Variants in TENM3 observed in about 807,000 individuals in gnomAD.
TENM3 encodes the protein teneurin-3.
Under a neutral mutation model 255.1 loss-of-function variants are expected in TENM3, and 63 were observed. The ratio of observed to expected loss-of-function variants is 0.25; its 90% CI spans 0.20 to 0.30. The LOEUF (loss-of-function observed/expected upper bound fraction) is 0.30, where lower values mean the gene tolerates loss of function less well. Among genes scored for constraint, TENM3 ranks in the 10% least tolerant of loss-of-function variants. The pLI, the probability that TENM3 is intolerant of heterozygous loss-of-function variation, is 1.00. For missense variants in TENM3, 2,929 were observed against 3,461.1 expected (o/e 0.85, Z 3.86); for synonymous variants, 1,306 against 1,322.3 (o/e 0.99, Z 0.27).
chr4:182,184,840 A>C (rs1445324098), intron 1 of TENM3, among the ~76,000 whole-genome samples: 1 of 152,140 alleles, frequency 6.6e-6, no homozygotes, highest in Non-Finnish European at 1.5e-5. Context: ...TGATCCCTAC[A>C]CTTTGGGAGG....
chr4:181,781,553 G>A, the TENM3 span, among the ~76,000 whole-genome samples: 1 of 152,178 alleles, frequency 6.6e-6, no homozygotes, highest in Non-Finnish European at 1.5e-5. Context: ...ATACAGTCAT[G>A]TCATCTGCAA....
rs1766158135 is a variant in TENM3, at chr4:182,792,186, G to A, written c.5602-88G>A. 2.6e-6 allele frequency: 3 copies of A among 1,170,536 alleles called. No homozygotes were observed. In the African/African-American group the frequency reaches 4.6e-5, roughly 18 times the overall value. 72.5% of individuals were successfully genotyped at this position (1,170,536 alleles called of 1,614,324 possible). A position where few individuals can be genotyped will look rare whatever the true frequency, so the allele number is the denominator to read the frequency against. ...AAAATGAAAATCATTTTCTCTAGTG[G>A]AATGTTTCTGTGCATCTGTGGTCAC... On this transcript the variant is annotated intron_variant, in intron 25 of 27. Coordinates refer to ENST00000511685, the MANE Select transcript of TENM3 (RefSeq NM_001080477.4). The surrounding 1 kb of genome is among the most constrained non-coding windows in gnomAD (Gnocchi z 6.3).
At chr4:181,932,974 C>T in the TENM3 span, among the ~76,000 whole-genome samples, 7 of 151,996 alleles carry the variant, frequency 4.6e-5, no homozygotes, top group Admixed American at 2.0e-4. Flanking sequence ...TGAAAACACA[C>T]GGACACAGGG....
At chr4:181,990,406 T>A in the TENM3 span, among the ~76,000 whole-genome samples, 1 of 152,158 alleles carries the variant, frequency 6.6e-6, no homozygotes, top group African/African-American at 2.4e-5. Context: ...TCAATAAAGT[T>A]ATTTTTTTAA....
the TENM3 span, among the ~76,000 whole-genome samples, chr4:181,757,261 G>C: frequency 6.6e-6 from 1 of 152,170 alleles, no homozygotes; most frequent in African/African-American, 2.4e-5. Context: ...TTCCAATATT[G>C]TAATAGCGTG....
intron 13 of TENM3, among the ~76,000 whole-genome samples, chr4:182,723,204 A>G (rs1011523098): frequency 6.6e-6 from 1 of 152,184 alleles, no homozygotes; most frequent in African/African-American, 2.4e-5. Context: ...CCACCAGGAG[A>G]GCACTGATGT....
chr4:182,193,394 C>T (rs766642547), intron 1 of TENM3, among the ~76,000 whole-genome samples: 16 of 152,216 alleles, frequency 1.1e-4, no homozygotes, highest in South Asian at 8.3e-4. Context: ...CTAATTCCCC[C>T]GGACAATAGG....
chr4:181,550,142 C>A, the TENM3 span, among the ~76,000 whole-genome samples: 1 of 152,128 alleles, frequency 6.6e-6, no homozygotes, highest in African/African-American at 2.4e-5. Context: ...ACTGAAGTCA[C>A]AAAATGTCTT....
At chr4:182,544,137 A>G (rs1223118717) in intron 3 of TENM3, among the ~76,000 whole-genome samples, 1 of 152,156 alleles carries the variant, frequency 6.6e-6, no homozygotes, top group Non-Finnish European at 1.5e-5. Flanking sequence ...ATAACTAATA[A>G]CAAATATTGT....
At chr4:182,327,607 T>A (rs6845253) in intron 2 of TENM3, among the ~76,000 whole-genome samples, 70,961 of 152,010 alleles carry the variant, frequency 0.47, 17,047 homozygotes, top group Non-Finnish European at 0.52. Flanking sequence ...GGATCATTTC[T>A]TCTTCACAGT....
intron 1 of TENM3, among the ~76,000 whole-genome samples, chr4:182,187,406 T>A (rs1362468816): frequency 6.6e-6 from 1 of 152,228 alleles, no homozygotes; most frequent in African/African-American, 2.4e-5. Flanking sequence ...TATGTTCCTC[T>A]GGGTACCAGC....
At chr4:182,199,781 A>G (rs1380982099) in intron 1 of TENM3, among the ~76,000 whole-genome samples, 1 of 134,264 alleles carries the variant, frequency 7.4e-6, no homozygotes, top group East Asian at 2.3e-4. Context: ...GCTGGAGTGC[A>G]GTGGCGCAAT....
chr4:181,609,025 G>C, the TENM3 span, among the ~76,000 whole-genome samples: 2 of 152,086 alleles, frequency 1.3e-5, no homozygotes, highest in Non-Finnish European at 2.9e-5. Flanking sequence ...ATGAGGGGAA[G>C]GAGTACTCAC....
intron 3 of TENM3, among the ~76,000 whole-genome samples, chr4:182,509,505 G>A (rs965598075): frequency 1.3e-5 from 2 of 152,124 alleles, no homozygotes; most frequent in Non-Finnish European, 2.9e-5. Flanking sequence ...TGGAATATTA[G>A]AAGGACAATA....
At chr4:182,716,690 T>A (rs1759205530) in intron 13 of TENM3, among the ~76,000 whole-genome samples, 1 of 152,198 alleles carries the variant, frequency 6.6e-6, no homozygotes, top group South Asian at 2.1e-4. Context: ...ACACGAAAGA[T>A]GGCAATGAAG....
At chr4:181,724,906 C>A in the TENM3 span, among the ~76,000 whole-genome samples, 1 of 152,284 alleles carries the variant, frequency 6.6e-6, no homozygotes, top group South Asian at 2.1e-4. Context: ...GGCCAGATTG[C>A]CACCTTTCAG....
chr4:181,809,284 CAG>C, the TENM3 span, among the ~76,000 whole-genome samples: 1 of 152,198 alleles, frequency 6.6e-6, no homozygotes, highest in Non-Finnish European at 1.5e-5. Flanking sequence ...GACCACTGCA[CAG>C]CAGAGTGGAG....
At chr4:182,174,394 A>AC (rs78266164) in intron 1 of TENM3, among the ~76,000 whole-genome samples, 18,274 of 148,994 alleles carry the variant, frequency 0.12, 1,385 homozygotes, top group South Asian at 0.21. Context: ...GGCTGCAAAA[A>AC]AAAAAAAAAA....
chr4:182,621,074 G>A (rs1009309699), intron 4 of TENM3, among the ~76,000 whole-genome samples: 7 of 151,950 alleles, frequency 4.6e-5, no homozygotes, highest in African/African-American at 7.2e-5. Flanking sequence ...CCAGCCACTC[G>A]GGAGGCTGAG....
Sources: allele counts gnomAD v4.1 joint callset (sites outside exome capture counted in the v4.1 genomes callset), GRCh38; gene constraint gnomAD v4.1.1; non-coding constraint Gnocchi (gnomAD v3.1); transcripts MANE v1.5; gene names NCBI Gene and HGNC (gene_info 2026-07-23, HGNC 2026-07-21).